Variants in TACR1 observed in about 807,000 individuals in gnomAD.
TACR1 encodes the protein tachykinin receptor 1.
A neutral mutation model predicts 35.8 loss-of-function variants in TACR1; 25 were observed. The ratio of observed to expected loss-of-function variants is 0.70; its 90% CI spans 0.51 to 0.98. The LOEUF (loss-of-function observed/expected upper bound fraction) is 0.98. Among genes scored for constraint, TACR1 ranks in the 50% least tolerant of loss-of-function variants. TACR1 has a pLI of 0.00. For missense variants in TACR1, 478 were observed against 522.9 expected (o/e 0.91, Z 0.84); for synonymous variants, 195 against 206.7 (o/e 0.94, Z 0.48).
chr2:75,198,639 T>C lies in TACR1; in HGVS notation c.296A>G (p.Tyr99Cys), dbSNP rs202089843. Residue 99 changes from tyrosine (Y) to cysteine (C), a missense_variant, in exon 1 of 5, where the codon TAC becomes TGC. Transcript: ENST00000305249. ...NFTYAVHNEW[Y>C]YGLFYCKFHN... Reference sequence around the variant, plus strand: ...GAACTTGCAGTAGAACAGGCCGTAGTACCATTCGTTGTGGACAGCATAGGT... The same window carrying C: ...GAACTTGCAGTAGAACAGGCCGTAGCACCATTCGTTGTGGACAGCATAGGT... 1.2e-5 allele frequency: 20 copies of C among 1,614,118 alleles called. No homozygotes were observed. Among genetic ancestry groups the C allele is most frequent in the Non-Finnish European group, 1.6e-5 (19 of 1,180,040 alleles).
At chr2:75,087,423 C>T (rs1274688653) in intron 2 of TACR1, among the ~76,000 whole-genome samples, 1 of 152,194 alleles carries the variant, frequency 6.6e-6, no homozygotes, top group African/African-American at 2.4e-5. Flanking sequence ...GTGCTTTTCT[C>T]TCTGGAGTGT....
chr2:75,051,114 G>A (rs1672457095), intron 4 of TACR1, 137 bp downstream of exon 4: 2 of 1,080,738 alleles, frequency 1.9e-6, no homozygotes, highest in African/African-American at 3.1e-5. Context: ...TGAGTTGTGT[G>A]ATGATAAGTT....
intron 1 of TACR1, among the ~76,000 whole-genome samples, chr2:75,158,039 G>A (rs1489593260): frequency 6.6e-6 from 1 of 152,198 alleles, no homozygotes; most frequent in Non-Finnish European, 1.5e-5. Flanking sequence ...CTTATTTTAA[G>A]ACTGAGAAAT....
rs200329139 is a variant in TACR1 at position 75,163,965 on chromosome 2, G to GA, written c.389+34580dup. The stretch of plus-strand genomic sequence containing the variant: ...GATATAAAATTATCACCCTTGTCTT[G>GA]AAAAAAAAAATCTCCTAAAAAAGTA... On this transcript the variant is annotated intron_variant, in intron 1 of 4. Transcript: ENST00000305249. Among the ~76,000 whole-genome samples the GA allele has an allele frequency of 5.3e-5, 8 of 150,822 alleles. No homozygotes were observed. In the East Asian group the frequency reaches 7.8e-4, roughly 15 times the overall value.
chr2:75,161,588 A>C (rs1229991738), intron 1 of TACR1, among the ~76,000 whole-genome samples: 1 of 152,182 alleles, frequency 6.6e-6, no homozygotes, highest in Non-Finnish European at 1.5e-5. Flanking sequence ...CGCAACTTTC[A>C]AGTCATGAGA....
At position 75,047,315 on chromosome 2, in the gene TACR1, T is replaced by A. The variant is rs1336243298; in HGVS notation, c.*2117A>T. 1 of 152,226 alleles carries A rather than the reference T, an allele frequency of 6.6e-6. No homozygotes were observed. The highest frequency in any genetic ancestry group is 2.4e-5 in the African/African-American group (1 of 41,442). 9.4% of individuals were successfully genotyped at this position (152,226 alleles called of 1,614,324 possible). ...AGAATTCTGTGGAGAATCTGTCCTC[T>A]CAGATGCCTCCAAGACTGCTGGGCA... On this transcript the variant is annotated 3_prime_UTR_variant, in exon 5 of 5. Coordinates refer to ENST00000305249, the MANE Select transcript of TACR1 (RefSeq NM_001058.4).
intron 2 of TACR1, among the ~76,000 whole-genome samples, chr2:75,080,341 C>T (rs1454755025): frequency 6.6e-6 from 1 of 152,208 alleles, no homozygotes; most frequent in African/African-American, 2.4e-5. Context: ...CACATGCACA[C>T]ACACATGCAG....
chr2:75,114,965 C>T (rs1297139163), intron 2 of TACR1, among the ~76,000 whole-genome samples: 1 of 152,108 alleles, frequency 6.6e-6, no homozygotes, highest in Admixed American at 6.5e-5. Context: ...CCAGTTCCCC[C>T]AGGGATCTAG....
chr2:75,170,794 C>T (rs1675259910), intron 1 of TACR1, among the ~76,000 whole-genome samples: 1 of 152,106 alleles, frequency 6.6e-6, no homozygotes, highest in Non-Finnish European at 1.5e-5. Context: ...GAACTTTGAA[C>T]TTGAGAGAGA....
In TACR1 at chr2:75,048,584, T is replaced by C. The variant is rs529622673; in HGVS notation, c.*848A>G. 1.3e-5 allele frequency: 2 copies of C among 151,922 alleles called. No homozygotes were observed. The highest frequency in any genetic ancestry group is 3.9e-4 in the East Asian group (2 of 5,190). 9.4% of individuals were successfully genotyped at this position (151,922 alleles called of 1,614,324 possible). The stretch of plus-strand genomic sequence containing the variant: ...TCTATTCTTTTATTCTTCGTTTTGT[T>C]TTTTTTTGTAAAACAAACAAAAAAC... On this transcript the variant is annotated 3_prime_UTR_variant, in exon 5 of 5. Coordinates refer to ENST00000305249, the MANE Select transcript of TACR1 (RefSeq NM_001058.4).
At chr2:75,062,339 T>G (rs1573461069) in intron 2 of TACR1, among the ~76,000 whole-genome samples, 1 of 152,302 alleles carries the variant, frequency 6.6e-6, no homozygotes, top group East Asian at 1.9e-4. Context: ...AAATAAATTC[T>G]GAGAAAATGG....
intron 2 of TACR1, among the ~76,000 whole-genome samples, chr2:75,072,436 G>A (rs1328784264): frequency 6.6e-6 from 1 of 152,192 alleles, no homozygotes; most frequent in African/African-American, 2.4e-5. Flanking sequence ...ATGTGAGAGG[G>A]AAGAAAATAT....
chr2:75,126,577 A>C (rs1468145075), intron 1 of TACR1, among the ~76,000 whole-genome samples: 1 of 152,198 alleles, frequency 6.6e-6, no homozygotes, highest in Non-Finnish European at 1.5e-5. Context: ...TGGACAAAGG[A>C]AGGGACAAAG....
At chr2:75,056,530 T>C (rs1672572123) in intron 2 of TACR1, among the ~76,000 whole-genome samples, 1 of 152,218 alleles carries the variant, frequency 6.6e-6, no homozygotes. Flanking sequence ...AAGGCTTTCC[T>C]GTGTGGCTTG....
At chr2:75,156,434 C>CA (rs60552665) in intron 1 of TACR1, 54,029 of 112,062 alleles carry the variant, frequency 0.48, 11,912 homozygotes, top group East Asian at 0.69. Flanking sequence ...ACCAAAAATA[C>CA]AAAAAAAAAA....
chr2:75,095,670 G>T (rs546286857), intron 2 of TACR1, among the ~76,000 whole-genome samples: 50 of 152,270 alleles, frequency 3.3e-4, no homozygotes, highest in Non-Finnish European at 5.4e-4. Flanking sequence ...TGGGTCAGGA[G>T]AATTAGCGCT....
chr2:75,070,608 C>T (rs187480227), intron 2 of TACR1, among the ~76,000 whole-genome samples: 2 of 152,368 alleles, frequency 1.3e-5, no homozygotes, highest in African/African-American at 2.4e-5. Context: ...CTTCTAGCCA[C>T]GCTTTTATTT....
At chr2:75,103,406 A>C (rs981160907) in intron 2 of TACR1, among the ~76,000 whole-genome samples, 1 of 152,174 alleles carries the variant, frequency 6.6e-6, no homozygotes, top group Non-Finnish European at 1.5e-5. Context: ...ATATGTCATA[A>C]TGGGGTATGT....
At chr2:75,114,975 G>C (rs543222961) in intron 2 of TACR1, among the ~76,000 whole-genome samples, 1 of 152,286 alleles carries the variant, frequency 6.6e-6, no homozygotes, top group South Asian at 2.1e-4. Context: ...CAGGGATCTA[G>C]GAATATAGCT....
Sources: allele counts gnomAD v4.1 joint callset (sites outside exome capture counted in the v4.1 genomes callset), GRCh38; gene constraint gnomAD v4.1.1; transcripts MANE v1.5; gene names NCBI Gene and HGNC (gene_info 2026-07-23, HGNC 2026-07-21).